Variants in SEPSECS observed in about 807,000 individuals in gnomAD.
The protein encoded by SEPSECS is O-phosphoseryl-tRNA(Sec) selenium transferase.
In SEPSECS, 42 loss-of-function variants were observed where a neutral mutation model predicts 52.1. The observed-to-expected ratio is 0.81, with a 90% confidence interval of 0.63 to 1.04. The LOEUF (loss-of-function observed/expected upper bound fraction) is 1.04. SEPSECS is among the 50% of genes least tolerant of loss of function. The probability of loss-of-function intolerance (pLI) is 0.00; values close to 1 mark genes in which losing one functional copy is unlikely to be tolerated. For synonymous variants in SEPSECS, 216 were observed against 211.4 expected, an observed-to-expected ratio of 1.02 and a Z score of -0.19; for missense variants, 590 against 610.6, an observed-to-expected ratio of 0.97 and a Z score of 0.36.
intron 2 of SEPSECS, among the ~76,000 whole-genome samples, chr4:25,157,480 T>C (rs1177670805): frequency 6.6e-6 from 1 of 152,232 alleles, no homozygotes; most frequent in Non-Finnish European, 1.5e-5. Context: ...AGCCACTTAA[T>C]TTTAGGGTGG....
At chr4:25,132,376 A>G (rs552616313) in intron 8 of SEPSECS, among the ~76,000 whole-genome samples, 1 of 152,344 alleles carries the variant, frequency 6.6e-6, no homozygotes, top group Admixed American at 6.5e-5. Context: ...GCTGGAGCAA[A>G]ATAGCTTTGC....
At chr4:25,135,598 G>A (rs1728812556) in intron 8 of SEPSECS, among the ~76,000 whole-genome samples, 1 of 152,054 alleles carries the variant, frequency 6.6e-6, no homozygotes, top group African/African-American at 2.4e-5. Context: ...AAAAGCCCAG[G>A]ACCAGACAGA....
At chr4:25,149,067 T>C (rs570517823) in intron 6 of SEPSECS, among the ~76,000 whole-genome samples, 1 of 152,208 alleles carries the variant, frequency 6.6e-6, no homozygotes, top group South Asian at 2.1e-4. Context: ...CTGGAGCTTT[T>C]ATTTTTTTTT....
At chr4:25,155,235 A>G in intron 4 of SEPSECS, 84 bp from the exon 5 acceptor site, 1 of 1,389,554 alleles carries the variant, frequency 7.2e-7, no homozygotes, top group Admixed American at 1.8e-5. Context: ...ATGCTATTCT[A>G]CACAAGAACT....
chr4:25,135,902 C>T (rs1367631961), intron 8 of SEPSECS, among the ~76,000 whole-genome samples: 2 of 152,088 alleles, frequency 1.3e-5, no homozygotes, highest in Non-Finnish European at 2.9e-5. Context: ...GTTCAACACA[C>T]GCAAATCAAT....
At chr4:25,150,572 C>T (rs1712237099) in intron 6 of SEPSECS, among the ~76,000 whole-genome samples, 1 of 151,650 alleles carries the variant, frequency 6.6e-6, no homozygotes, top group African/African-American at 2.4e-5. Flanking sequence ...TTATATGTCA[C>T]TACGTAAAAA....
intron 8 of SEPSECS, 137 bp from the exon 9 acceptor site, chr4:25,127,494 C>A: frequency 1.5e-6 from 1 of 672,030 alleles, no homozygotes; most frequent in Non-Finnish European, 2.6e-6. Flanking sequence ...CTCTCCTTTG[C>A]CACAATACAG....
chr4:25,148,025 C>G lies in SEPSECS; in HGVS notation c.805-2892G>C, dbSNP rs181444645. The stretch of plus-strand genomic sequence containing the variant: ...TGCAGAATGGGAATAAGAAGTACAC[C>G]TTAAATTGTCAGGATTCAGCTGATA... On this transcript the variant is annotated intron_variant, in intron 6 of 10. Transcript: ENST00000382103. Among the ~76,000 whole-genome samples, 257 of 152,158 alleles carry G rather than the reference C, an allele frequency of 1.7e-3. 2 individuals are homozygous for G. The highest frequency in any genetic ancestry group is 6.1e-3 in the African/African-American group (253 of 41,508).
intron 1 of SEPSECS, chr4:25,159,934 G>A: frequency 2.0e-6 from 2 of 985,364 alleles, no homozygotes; most frequent in South Asian, 4.7e-5. Context: ...GAAAGATGGA[G>A]GTGCGAACTT....
At chr4:25,143,407 C>G (rs886733616) in intron 8 of SEPSECS, among the ~76,000 whole-genome samples, 2 of 152,176 alleles carry the variant, frequency 1.3e-5, no homozygotes, top group African/African-American at 2.4e-5. Flanking sequence ...TTTACCTTTT[C>G]CAGGATGGCA....
In SEPSECS at chr4:25,158,987, C is replaced by T. The variant is rs1712869060; in HGVS notation, c.235G>A (p.Val79Met). ...CGACGAGCAACCAGTGCGGATGCCACTCTCCCTTCCCTTTCTCCCACACCA... is the reference window on the plus strand; with the variant it reads ...CGACGAGCAACCAGTGCGGATGCCATTCTCCCTTCCCTTTCTCCCACACCA... ...NCGVGEREGRVASALVARRHY... is the reference protein window; with the variant it reads ...NCGVGEREGRMASALVARRHY... Residue 79 changes from valine to methionine, a missense_variant, in exon 2 of 11, where the codon GTG (valine) becomes ATG (methionine). Coordinates refer to ENST00000382103, the MANE Select transcript of SEPSECS (RefSeq NM_016955.4). 6.2e-7 allele frequency: 1 copy of T among 1,613,688 alleles called. No homozygotes were observed. The highest frequency in any genetic ancestry group is 8.5e-7 in the Non-Finnish European group (1 of 1,179,774).
intron 8 of SEPSECS, among the ~76,000 whole-genome samples, chr4:25,135,418 G>A (rs1461766842): frequency 1.3e-5 from 2 of 152,052 alleles, no homozygotes; most frequent in African/African-American, 2.4e-5. Flanking sequence ...ACAACTATCA[G>A]AGAATACTAT....
At position 25,156,853 on chromosome 4, in the gene SEPSECS, T is replaced by C. The variant is rs757504141; in HGVS notation, c.388+3A>G. The C allele has an allele frequency of 6.9e-5, 103 of 1,483,956 alleles. No individual in the cohort carries two copies. Among genetic ancestry groups the C allele is most frequent in the Admixed American group, 1.7e-4 (10 of 59,414 alleles). 91.9% of individuals were successfully genotyped at this position (1,483,956 alleles called of 1,614,324 possible). A position where few individuals can be genotyped will look rare whatever the true frequency, so the allele number is the denominator to read the frequency against. On this transcript the variant is annotated splice_donor_region_variant and intron_variant, in intron 3 of 10. Transcript: ENST00000382103. ...AAAGCATTATGATTAAGACGGTACA[T>C]ACCAGCCAGCTTTATAATGTCCAGG...
chr4:25,160,469 A>G, upstream of SEPSECS: 1 of 961,228 alleles, frequency 1.0e-6, no homozygotes. Context: ...ACGGTACGGC[A>G]GCGCCTTGGG....
chr4:25,144,669 A>G, intron 8 of SEPSECS, 105 bp downstream of exon 8: 3 of 815,928 alleles, frequency 3.7e-6, no homozygotes, highest in Non-Finnish European at 6.5e-6. Flanking sequence ...GGACCATACT[A>G]GATGTCTCCC....
At chr4:25,150,703 A>G (rs1712246019) in intron 6 of SEPSECS, among the ~76,000 whole-genome samples, 2 of 152,200 alleles carry the variant, frequency 1.3e-5, no homozygotes. Context: ...AGCAAAAAGA[A>G]GGATAGAAAA....
intron 8 of SEPSECS, among the ~76,000 whole-genome samples, chr4:25,143,221 T>A (rs139455949): frequency 6.6e-6 from 1 of 152,208 alleles, no homozygotes; most frequent in Admixed American, 6.6e-5. Flanking sequence ...TTTGCTCACA[T>A]AGTAAAATTC....
intron 6 of SEPSECS, among the ~76,000 whole-genome samples, chr4:25,148,472 T>C (rs1233268362): frequency 6.6e-6 from 1 of 152,134 alleles, no homozygotes; most frequent in African/African-American, 2.4e-5. Flanking sequence ...CTTTAATTTT[T>C]TAGAATGTCA....
intron 1 of SEPSECS, 72 bp from the exon 2 acceptor site, chr4:25,159,179 G>T (rs2109039567): frequency 7.6e-7 from 1 of 1,312,836 alleles, no homozygotes; most frequent in Non-Finnish European, 1.0e-6. Flanking sequence ...CAGGAATACA[G>T]TTTTTCTTTT....
Sources: allele counts gnomAD v4.1 joint callset (sites outside exome capture counted in the v4.1 genomes callset), GRCh38; gene constraint gnomAD v4.1.1; transcripts MANE v1.5; gene names NCBI Gene and HGNC (gene_info 2026-07-23, HGNC 2026-07-21).